THSD7B: variants seen among roughly 807,000 people sequenced by gnomAD.
THSD7B encodes the protein thrombospondin type-1 domain-containing protein 7B.
A neutral mutation model predicts 213.6 loss-of-function variants in THSD7B; 138 were observed. The observed-to-expected ratio is 0.65, with a 90% CI of 0.56 to 0.74. The LOEUF is 0.74. Among genes scored for constraint, THSD7B ranks in the 30% least tolerant of loss-of-function variants. THSD7B has a pLI of 0.00. For synonymous variants in THSD7B, 742 were observed against 687.0 expected (o/e 1.08, Z -1.25); for missense variants, 1,931 against 1,991.5 (o/e 0.97, Z 0.58).
chr2:136,913,444 G>T lies in THSD7B; in HGVS notation c.139+31127G>T, dbSNP rs1684300357. Among the ~76,000 whole-genome samples, 5 of 152,252 alleles carry T rather than the reference G, an allele frequency of 3.3e-5. No individual in the cohort carries two copies. In the South Asian group the frequency reaches 1.0e-3, roughly 32 times the overall value. On this transcript the variant is annotated intron_variant, in intron 2 of 27. Coordinates refer to ENST00000409968, the MANE Select transcript of THSD7B (RefSeq NM_001316349.2). ...AGAAACTTAACGTAAGTAGCAAGGA[G>T]CCTAATGTTAATCCCCAAGACCAAG...
At chr2:137,427,920 A>G (rs1375271937) in intron 14 of THSD7B, among the ~76,000 whole-genome samples, 1 of 152,160 alleles carries the variant, frequency 6.6e-6, no homozygotes, top group African/African-American at 2.4e-5. Flanking sequence ...GTATATGTGG[A>G]TATATCAAAA....
chr2:137,127,967 T>C (rs1688658351), intron 5 of THSD7B, among the ~76,000 whole-genome samples: 1 of 151,756 alleles, frequency 6.6e-6, no homozygotes, highest in Non-Finnish European at 1.5e-5. Flanking sequence ...ACTAGTTTAA[T>C]ATAGTATATT....
chr2:137,457,986 T>C (rs1687794817), intron 15 of THSD7B, among the ~76,000 whole-genome samples: 1 of 152,160 alleles, frequency 6.6e-6, no homozygotes, highest in Non-Finnish European at 1.5e-5. Context: ...ATCAATCATT[T>C]TTTACATTAT....
intron 17 of THSD7B, among the ~76,000 whole-genome samples, chr2:137,585,791 G>T (rs1310917735): frequency 6.6e-6 from 1 of 152,160 alleles, no homozygotes; most frequent in East Asian, 1.9e-4. Context: ...GGTGCGGTGT[G>T]GTTCTGAGAA....
At chr2:137,141,617 A>G (rs901453167) in intron 5 of THSD7B, among the ~76,000 whole-genome samples, 3 of 151,964 alleles carry the variant, frequency 2.0e-5, no homozygotes, top group African/African-American at 7.3e-5. Context: ...GTTGTGCAAG[A>G]TGTTACCATG....
intron 2 of THSD7B, among the ~76,000 whole-genome samples, chr2:136,978,045 A>G (rs7425810): frequency 0.47 from 70,841 of 151,910 alleles, 19,272 homozygotes; most frequent in East Asian, 0.78. Context: ...GTGATCTGCC[A>G]GCCTCAGCCT....
chr2:137,383,520 G>A (rs545342748), intron 12 of THSD7B, among the ~76,000 whole-genome samples: 12 of 152,258 alleles, frequency 7.9e-5, no homozygotes, highest in African/African-American at 2.9e-4. Flanking sequence ...TCAAGAATAG[G>A]CCGAGGCAGA....
chr2:137,271,474 A>T (rs1486483054), intron 10 of THSD7B, among the ~76,000 whole-genome samples: 25 of 144,896 alleles, frequency 1.7e-4, no homozygotes, highest in African/African-American at 6.3e-4. Flanking sequence ...TATAATATAT[A>T]ATATAAAATC....
intron 14 of THSD7B, among the ~76,000 whole-genome samples, chr2:137,413,033 A>T (rs142565845): frequency 6.6e-6 from 1 of 152,158 alleles, no homozygotes; most frequent in African/African-American, 2.4e-5. Flanking sequence ...ATTATAATGT[A>T]CAAGCTAAGT....
chr2:136,865,640 G>A (rs1683320137), intron 1 of THSD7B, among the ~76,000 whole-genome samples: 1 of 152,154 alleles, frequency 6.6e-6, no homozygotes, highest in African/African-American at 2.4e-5. Context: ...TGAGTTAGAA[G>A]ATGCAAGAAA....
At chr2:137,019,754 G>A (rs1686408960) in intron 2 of THSD7B, among the ~76,000 whole-genome samples, 1 of 152,096 alleles carries the variant, frequency 6.6e-6, no homozygotes, top group South Asian at 2.1e-4. Context: ...TCTCCTTAGA[G>A]ACTAGCTCAG....
At chr2:137,587,624 A>T (rs758303426) in intron 17 of THSD7B, among the ~76,000 whole-genome samples, 22 of 152,184 alleles carry the variant, frequency 1.4e-4, no homozygotes, top group Non-Finnish European at 3.1e-4. Context: ...TTGCCTGGGT[A>T]TCAGCAGCGG....
chr2:137,375,143 A>G (rs1685624111), intron 12 of THSD7B, among the ~76,000 whole-genome samples: 1 of 152,224 alleles, frequency 6.6e-6, no homozygotes, highest in Non-Finnish European at 1.5e-5. Flanking sequence ...GTGCAAATTT[A>G]ATATTGTTAG....
chr2:136,948,477 C>T (rs1241078022), intron 2 of THSD7B, among the ~76,000 whole-genome samples: 4 of 151,732 alleles, frequency 2.6e-5, no homozygotes, highest in Non-Finnish European at 4.4e-5. Flanking sequence ...CACACACACA[C>T]ATGCACACAT....
chr2:136,975,657 T>C (rs1481547106), intron 2 of THSD7B, among the ~76,000 whole-genome samples: 2 of 152,218 alleles, frequency 1.3e-5, no homozygotes, highest in East Asian at 3.8e-4. Flanking sequence ...TAAGGTTGTC[T>C]TGGATGTATA....
intron 2 of THSD7B, among the ~76,000 whole-genome samples, chr2:136,984,820 A>G (rs1454665607): frequency 6.6e-6 from 1 of 152,162 alleles, no homozygotes; most frequent in Non-Finnish European, 1.5e-5. Flanking sequence ...CAAAATGCTG[A>G]TAGAAAAATG....
intron 15 of THSD7B, among the ~76,000 whole-genome samples, chr2:137,467,473 C>T (rs1181225223): frequency 6.6e-6 from 1 of 152,084 alleles, no homozygotes; most frequent in Non-Finnish European, 1.5e-5. Context: ...GGCAAAGCTG[C>T]TGGTCTGCAG....
chr2:137,308,418 A>C (rs1342496083), intron 12 of THSD7B, among the ~76,000 whole-genome samples: 1 of 152,016 alleles, frequency 6.6e-6, no homozygotes, highest in South Asian at 2.1e-4. Context: ...TGGGGGCTTT[A>C]TAAGTGACGG....
At chr2:137,365,572 T>C (rs1685388356) in intron 12 of THSD7B, among the ~76,000 whole-genome samples, 1 of 152,108 alleles carries the variant, frequency 6.6e-6, no homozygotes, top group Admixed American at 6.5e-5. Context: ...CATCAAAAAG[T>C]GGGCAAGGTA....
Sources: gnomAD v4.1 joint callset for allele counts (sites outside exome capture counted in the v4.1 genomes callset) on GRCh38, gnomAD v4.1.1 for gene constraint, MANE v1.5 for transcripts, NCBI Gene and HGNC (gene_info 2026-07-23, HGNC 2026-07-21) for gene names.